Variants in ST14 observed in about 807,000 individuals in gnomAD.
ST14 encodes the protein suppressor of tumorigenicity 14 protein.
In ST14, 40 loss-of-function variants were observed where a neutral mutation model predicts 96.5. That is an observed-to-expected ratio of 0.41 (90% CI 0.32 to 0.54). ST14 has a LOEUF of 0.54. ST14 is among the 20% of genes least tolerant of loss of function. The probability of loss-of-function intolerance (pLI) is 0.17; values close to 1 mark genes in which losing one functional copy is unlikely to be tolerated. For synonymous variants in ST14, 506 were observed against 492.1 expected (o/e 1.03, Z -0.37); for missense variants, 1,066 against 1,188.9 (o/e 0.90, Z 1.52).
intron 1 of ST14, among the ~76,000 whole-genome samples, chr11:130,176,368 T>C (rs1279655084): frequency 1.3e-5 from 2 of 151,522 alleles, no homozygotes; most frequent in East Asian, 1.9e-4. Context: ...GATTTACTTT[T>C]CCTTTTTTTT....
At chr11:130,190,057 G>A in intron 5 of ST14, 56 bp from the exon 6 acceptor site, 1 of 1,613,578 alleles carries the variant, frequency 6.2e-7, no homozygotes, top group Non-Finnish European at 8.5e-7. Flanking sequence ...TAAGGAAGCA[G>A]GAATAAGGAA....
chr11:130,161,776 T>C (rs1009347072), intron 1 of ST14, among the ~76,000 whole-genome samples: 8 of 152,242 alleles, frequency 5.3e-5, no homozygotes, highest in African/African-American at 1.9e-4. Flanking sequence ...CGAGCTTTAT[T>C]GAACTAACTC....
intron 7 of ST14, among the ~76,000 whole-genome samples, chr11:130,191,202 TG>T (rs1195724181): frequency 6.6e-6 from 1 of 152,004 alleles, no homozygotes; most frequent in Admixed American, 6.6e-5. Flanking sequence ...AAAGCTTAGC[TG>T]GGTGTGGTGG....
Position 130,189,835 on chromosome 11 carries a change from C to A in ST14, c.537C>A (p.Val179=). Reference sequence around the variant, plus strand: ...GCGTCATGGCCGAGGAGCGCGTAGTCATGCTGCCCCCGCGGGCGCGCTCCC... The same window carrying A: ...GCGTCATGGCCGAGGAGCGCGTAGTAATGCTGCCCCCGCGGGCGCGCTCCC... ...AERVMAEERV[V]MLPPRARSLK... Residue 179 remains valine (V), a synonymous_variant, in exon 5 of 19, where the codon GTC becomes GTA. Coordinates refer to ENST00000278742, the MANE Select transcript of ST14 (RefSeq NM_021978.4). 6.2e-7 allele frequency: 1 copy of A among 1,613,964 alleles called. No individual in the cohort carries two copies. The highest frequency in any genetic ancestry group is 8.5e-7 in the Non-Finnish European group (1 of 1,179,948).
chr11:130,204,920 C>T (rs926576745), intron 16 of ST14, among the ~76,000 whole-genome samples: 3 of 152,014 alleles, frequency 2.0e-5, no homozygotes, highest in Admixed American at 2.0e-4. Flanking sequence ...GTTTAGTGCT[C>T]CGGGGTCGGG....
intron 7 of ST14, among the ~76,000 whole-genome samples, chr11:130,192,428 G>A (rs1024264022): frequency 6.6e-6 from 1 of 152,164 alleles, no homozygotes; most frequent in African/African-American, 2.4e-5. Flanking sequence ...TCGCTCTGTC[G>A]CCCAGGCTGG....
intron 1 of ST14, among the ~76,000 whole-genome samples, chr11:130,163,441 G>T (rs1051081258): frequency 3.9e-5 from 6 of 152,146 alleles, no homozygotes; most frequent in African/African-American, 1.2e-4. Flanking sequence ...AGACATGGGG[G>T]TCTTGCTATG....
chr11:130,187,073 C>T lies in ST14; in HGVS notation c.82-1041C>T, dbSNP rs146926630. 2.0e-5 allele frequency among the ~76,000 whole-genome samples: 3 copies of T among 152,208 alleles called. No individual in the cohort carries two copies. Among genetic ancestry groups the T allele is most frequent in the East Asian group, 1.9e-4 (1 of 5,178 alleles). The stretch of plus-strand genomic sequence containing the variant: ...ACATATCAGCTTAAATTTACACTGT[C>T]GAATTACGAGATCACCACCAGAAGA... On this transcript the variant is annotated intron_variant, in intron 1 of 18. Coordinates refer to ENST00000278742, the MANE Select transcript of ST14 (RefSeq NM_021978.4). This position sits in a 1 kb window ranked among gnomAD's most constrained non-coding sequence, Gnocchi z 4.5.
chr11:130,208,371 C>T (rs1333331301), intron 16 of ST14, 39 bp from the exon 17 acceptor site: 17 of 1,613,470 alleles, frequency 1.1e-5, no homozygotes, highest in South Asian at 2.2e-5. Flanking sequence ...TGCACAGACC[C>T]GAGTGACCGC....
In ST14 at chr11:130,187,097, G is replaced by A. The variant is rs191758770; in HGVS notation, c.82-1017G>A. 1.3e-5 allele frequency among the ~76,000 whole-genome samples: 2 copies of A among 152,210 alleles called. No homozygotes were observed. Among genetic ancestry groups the A allele is most frequent in the Non-Finnish European group, 2.9e-5 (2 of 68,044 alleles). On this transcript the variant is annotated intron_variant, in intron 1 of 18. Transcript: ENST00000278742. This position sits in a 1 kb window ranked among gnomAD's most constrained non-coding sequence, Gnocchi z 4.5. ...TCGAATTACGAGATCACCACCAGAA[G>A]AATGACATCAGGAAACTGTCAAAAG...
In ST14 at chr11:130,189,752, A is replaced by T; in HGVS notation, c.454A>T (p.Ile152Phe). ...AVTAFSEGSV[I>F]AYYWSEFSIP... ...CTCTCTCCCCAGCGAGGGCAGCGTC[A>T]TCGCCTACTACTGGTCTGAGTTCAG... Residue 152 changes from isoleucine to phenylalanine, a missense_variant, in exon 5 of 19, where the codon ATC becomes TTC. Transcript: ENST00000278742. 1.2e-6 allele frequency: 2 copies of T among 1,612,952 alleles called. No homozygotes were observed. Among genetic ancestry groups the T allele is most frequent in the Non-Finnish European group, 1.7e-6 (2 of 1,179,916 alleles).
intron 11 of ST14, 34 bp from the exon 12 acceptor site, chr11:130,197,807 G>C: frequency 1.3e-6 from 2 of 1,518,566 alleles, no homozygotes; most frequent in Non-Finnish European, 1.8e-6. Context: ...AGGTGGGTGG[G>C]TGCTGGGGGC....
Position 130,197,910 on chromosome 11 carries a change from C to T in ST14, c.1424C>T (p.Ala475Val). 6.3e-7 allele frequency: 1 copy of T among 1,594,976 alleles called. No homozygotes were observed. The highest frequency in any genetic ancestry group is 1.3e-5 in the African/African-American group (1 of 74,748). The change falls in exon 12 of 19, where the codon GCC becomes GTC. Residue 475 changes from alanine (A) to valine (V), a missense_variant. Ala to Val is a moderately conservative substitution (Grantham distance 64). Transcript: ENST00000278742. ...AAGGAGCTGCGCTGTGATGGCTGGG[C>T]CGACTGCACCGACCACAGCGATGAG... The part of the protein sequence containing the change: ...IRKELRCDGW[A>V]DCTDHSDELN...
chr11:130,198,940 T>C lies in ST14; in HGVS notation c.1685-7T>C. 1 of 1,613,952 alleles carries C rather than the reference T, an allele frequency of 6.2e-7. No individual in the cohort carries two copies. The highest frequency in any genetic ancestry group is 8.5e-7 in the Non-Finnish European group (1 of 1,179,920). On this transcript the variant is annotated splice_polypyrimidine_tract_variant and splice_region_variant and intron_variant, in intron 14 of 18. Transcript: ENST00000278742. Reference sequence around the variant, plus strand: ...TGAGCCCCTCCCTTGTCCTCCTCCTTGAACAGTGAACGTCGTCACTTGTAC... The same window carrying C: ...TGAGCCCCTCCCTTGTCCTCCTCCTCGAACAGTGAACGTCGTCACTTGTAC...
At chr11:130,192,565 T>C (rs568840925) in intron 7 of ST14, among the ~76,000 whole-genome samples, 1 of 152,292 alleles carries the variant, frequency 6.6e-6, no homozygotes, top group African/African-American at 2.4e-5. Flanking sequence ...ATTTTTTTTG[T>C]ATTTTTAGTA....
In ST14 at chr11:130,208,500, G is replaced by A. The variant is rs750567674; in HGVS notation, c.2085G>A (p.Lys695=). 5 of 1,614,122 alleles carry A rather than the reference G, an allele frequency of 3.1e-6. No individual in the cohort carries two copies. Among genetic ancestry groups the A allele is most frequent in the East Asian group, 4.5e-5 (2 of 44,902 alleles). Residue 695 remains lysine (K), a synonymous_variant, in exon 17 of 19, where the codon AAG becomes AAA. Coordinates refer to ENST00000278742, the MANE Select transcript of ST14 (RefSeq NM_021978.4). ...SAPGVQERRL[K]RIISHPFFND... ...CTGGGGTGCAGGAGCGCAGGCTCAAGCGCATCATCTCCCACCCCTTCTTCA... is the reference window on the plus strand; with the variant it reads ...CTGGGGTGCAGGAGCGCAGGCTCAAACGCATCATCTCCCACCCCTTCTTCA...
At position 130,189,950 on chromosome 11, in the gene ST14, G is replaced by T; in HGVS notation, c.598+54G>T. 3.1e-6 allele frequency: 5 copies of T among 1,613,036 alleles called. No individual in the cohort carries two copies. In the East Asian group the frequency reaches 1.1e-4, roughly 36 times the overall value. On this transcript the variant is annotated intron_variant, in intron 5 of 18. Transcript: ENST00000278742. ...GGACTGGCCAGCCTTCCATGGAGTGGGGCTGGGCCCTGGACCATTGCAGGG... is the reference window on the plus strand; with the variant it reads ...GGACTGGCCAGCCTTCCATGGAGTGTGGCTGGGCCCTGGACCATTGCAGGG...
intron 6 of ST14, 127 bp from the exon 7 acceptor site, chr11:130,190,327 C>A: frequency 6.5e-7 from 1 of 1,530,046 alleles, no homozygotes; most frequent in Non-Finnish European, 8.9e-7. Flanking sequence ...TTTCCCGAGG[C>A]CCAGGGCAGC....
At chr11:130,179,752 G>C (rs189062854) in intron 1 of ST14, among the ~76,000 whole-genome samples, 14 of 152,288 alleles carry the variant, frequency 9.2e-5, no homozygotes, top group Admixed American at 8.5e-4. Flanking sequence ...ATTGCCCAGG[G>C]GACAAACACA....
Sources: gnomAD v4.1 joint callset for allele counts (sites outside exome capture counted in the v4.1 genomes callset) on GRCh38, gnomAD v4.1.1 for gene constraint, Gnocchi (gnomAD v3.1) non-coding constraint, MANE v1.5 for transcripts, NCBI Gene and HGNC (gene_info 2026-07-23, HGNC 2026-07-21) for gene names.